Variants in CP observed in about 807,000 individuals in gnomAD.
CP encodes caeruloplasmin.
Under a neutral mutation model 122.4 loss-of-function variants are expected in CP, and 64 were observed. That is an observed-to-expected ratio of 0.52 (90% CI 0.43 to 0.64). The LOEUF (loss-of-function observed/expected upper bound fraction) is 0.64, where lower values mean the gene tolerates loss of function less well. CP is among the 30% of genes least tolerant of loss of function. CP has a pLI of 0.00. For missense variants in CP, 1,167 were observed against 1,284.4 expected (o/e 0.91, Z 1.40); for synonymous variants, 440 against 436.4 (o/e 1.01, Z -0.10).
At chr3:149,202,062 G>A in intron 7 of CP, 40 bp downstream of exon 7, 1 of 1,613,578 alleles carries the variant, frequency 6.2e-7, no homozygotes, top group Non-Finnish European at 8.5e-7. Flanking sequence ...GTAGCCCATG[G>A]GAAGAGTAAA....
At chr3:149,214,989 T>C (rs929842581) in intron 1 of CP, among the ~76,000 whole-genome samples, 3 of 152,162 alleles carry the variant, frequency 2.0e-5, no homozygotes, top group Non-Finnish European at 4.4e-5. Context: ...CCAATCAATC[T>C]CACAGAGACT....
intron 12 of CP, 122 bp downstream of exon 12, chr3:149,185,117 T>C: frequency 1.3e-6 from 1 of 786,744 alleles, no homozygotes; most frequent in Admixed American, 2.1e-5. Context: ...GTTGTTGTTG[T>C]TGTTGTTGTT....
intron 1 of CP, among the ~76,000 whole-genome samples, chr3:149,216,829 C>T (rs1728487402): frequency 6.6e-6 from 1 of 150,914 alleles, no homozygotes; most frequent in East Asian, 2.0e-4. Context: ...ATGTTAGTCA[C>T]TTAATTAGCT....
chr3:149,163,931 A>G lies in CP; in HGVS notation c.*14-1056T>C, dbSNP rs2108173627. Reference sequence around the variant, plus strand: ...CTTTAGCTGATAAAAATTATACAGAAGATCTTTCAAAATTACAGGTAAGTA... The same window carrying G: ...CTTTAGCTGATAAAAATTATACAGAGGATCTTTCAAAATTACAGGTAAGTA... On this transcript the variant is annotated intron_variant, in intron 5 of 5. Coordinates refer to the CP transcript ENST00000479771. The G allele has an allele frequency of 6.6e-7, 1 of 1,520,190 alleles. No homozygotes were observed. The highest frequency in any genetic ancestry group is 9.1e-7 in the Non-Finnish European group (1 of 1,094,434). 94.2% of individuals were successfully genotyped at this position (1,520,190 alleles called of 1,614,324 possible).
At chr3:149,218,998 T>C (rs1327669762) in intron 1 of CP, among the ~76,000 whole-genome samples, 2 of 152,206 alleles carry the variant, frequency 1.3e-5, no homozygotes, top group East Asian at 3.9e-4. Flanking sequence ...CCATCATCCT[T>C]CACTGACTGG....
chr3:149,220,091 G>C (rs908957269), intron 1 of CP, among the ~76,000 whole-genome samples: 12 of 152,158 alleles, frequency 7.9e-5, no homozygotes, highest in Non-Finnish European at 1.3e-4. Context: ...CCCTGGCACA[G>C]ACAGGCCACA....
chr3:149,207,598 A>G lies in CP; in HGVS notation c.801T>C (p.Phe267=). The change falls in exon 5 of 19, where the codon TTT becomes TTC. Residue 267 remains phenylalanine (F), a synonymous_variant. Coordinates refer to ENST00000264613, the MANE Select transcript of CP (RefSeq NM_000096.4). ...NRMYSVNGYT[F]GSLPGLSMCA... Reference sequence around the variant, plus strand: ...ACATGGAGAGTCCTGGGAGACTTCCAAAAGTGTATCCATTCACAGCTGTAA... The same window carrying G: ...ACATGGAGAGTCCTGGGAGACTTCCGAAAGTGTATCCATTCACAGCTGTAA... 1 of 1,613,962 alleles carries G rather than the reference A, an allele frequency of 6.2e-7. No homozygotes were observed. The highest frequency in any genetic ancestry group is 8.5e-7 in the Non-Finnish European group (1 of 1,179,808).
chr3:149,180,002 T>C, intron 14 of CP: 1 of 288,334 alleles, frequency 3.5e-6, no homozygotes, highest in South Asian at 3.8e-5. Context: ...TGTGTTTTCC[T>C]AATATACTTT....
intron 1 of CP, among the ~76,000 whole-genome samples, chr3:149,220,275 C>T (rs1043321499): frequency 4.6e-5 from 7 of 151,988 alleles, no homozygotes; most frequent in African/African-American, 2.4e-5. Context: ...TTTTTGATCA[C>T]GAACAATGGC....
chr3:149,192,092 T>A (rs1020983419), intron 9 of CP, among the ~76,000 whole-genome samples: 5 of 151,978 alleles, frequency 3.3e-5, no homozygotes, highest in African/African-American at 4.8e-5. Context: ...TATCTAAGAA[T>A]AAAAAGGGAA....
chr3:149,190,517 G>C (rs1436745019), intron 9 of CP, among the ~76,000 whole-genome samples: 1 of 152,072 alleles, frequency 6.6e-6, no homozygotes, highest in Admixed American at 6.5e-5. Context: ...AATTAGCCAG[G>C]TGTGGTGGCA....
chr3:149,166,727 AT>A (rs1306156001), intron 4 of CP, among the ~76,000 whole-genome samples: 1 of 152,202 alleles, frequency 6.6e-6, no homozygotes, highest in African/African-American at 2.4e-5. Context: ...AATGTTGATT[AT>A]TCTCTTAGGA....
chr3:149,210,100 T>G, intron 3 of CP, 67 bp downstream of exon 3: 1 of 1,512,472 alleles, frequency 6.6e-7, no homozygotes, highest in South Asian at 1.1e-5. Flanking sequence ...TGATTTCTTT[T>G]TAAAAGACAA....
At chr3:149,187,838 C>G in intron 10 of CP, 1 of 551,080 alleles carries the variant, frequency 1.8e-6, no homozygotes, top group Non-Finnish European at 3.3e-6. Flanking sequence ...ACTTTAAGGA[C>G]CATTCATGTA....
chr3:149,209,563 T>G (rs993928824), intron 3 of CP, among the ~76,000 whole-genome samples, 179 bp from the exon 4 acceptor site: 3 of 152,242 alleles, frequency 2.0e-5, no homozygotes, highest in African/African-American at 7.2e-5. Context: ...TTATGATCAG[T>G]ATCTGGTGCT....
intron 3 of CP, 88 bp from the exon 4 acceptor site, chr3:149,209,472 T>C (rs1189530510): frequency 7.4e-7 from 1 of 1,343,030 alleles, no homozygotes; most frequent in Non-Finnish European, 1.0e-6. Context: ...TTTTTAAAAA[T>C]GTTAGTATTT....
intron 9 of CP, among the ~76,000 whole-genome samples, chr3:149,191,177 G>T (rs540214383): frequency 1.3e-5 from 2 of 150,756 alleles, no homozygotes; most frequent in East Asian, 3.9e-4. Context: ...TGAAATTTAG[G>T]TATCACATTA....
chr3:149,178,677 G>C, intron 15 of CP, 46 bp from the exon 16 acceptor site: 1 of 1,372,268 alleles, frequency 7.3e-7, no homozygotes, highest in Non-Finnish European at 1.0e-6. Flanking sequence ...ATTAGGTCAG[G>C]ATTTCAGAGA....
downstream of CP, among the ~76,000 whole-genome samples, chr3:149,168,779 T>C (rs1351888496): frequency 6.6e-6 from 1 of 152,216 alleles, no homozygotes; most frequent in Non-Finnish European, 1.5e-5. Flanking sequence ...TTTCAGAAGA[T>C]GGAAGTGTCA....
Sources: gnomAD v4.1 joint callset for allele counts (sites outside exome capture counted in the v4.1 genomes callset) on GRCh38, gnomAD v4.1.1 for gene constraint, MANE v1.5 for transcripts, NCBI Gene and HGNC (gene_info 2026-07-23, HGNC 2026-07-21) for gene names.